The following VMA22 variants were observed in gnomAD, a reference collection of about 807,000 sequenced individuals.
VMA22 encodes the protein vacuolar ATPase assembly protein VMA22.
chr2:130,340,940 C>T, the VMA22 span: 2 of 1,614,112 alleles, frequency 1.2e-6, no homozygotes, highest in East Asian at 4.5e-5. Flanking sequence ...CTGACGTAGA[C>T]TGTGAGGAAC....
At chr2:130,339,339 C>G in the VMA22 span, 5 of 1,329,664 alleles carry the variant, frequency 3.8e-6, no homozygotes, top group Non-Finnish European at 5.1e-6. Flanking sequence ...TCTCTGCCCC[C>G]CACACTTGTC....
At chr2:130,337,987 A>C in the VMA22 span, among the ~76,000 whole-genome samples, 5 of 152,110 alleles carry the variant, frequency 3.3e-5, no homozygotes, top group South Asian at 8.3e-4. Flanking sequence ...CAGAATGAAA[A>C]CCCCCAAATT....
At chr2:130,341,883 T>C in the VMA22 span, 3 of 1,532,276 alleles carry the variant, frequency 2.0e-6, no homozygotes, top group Non-Finnish European at 1.8e-6. Flanking sequence ...GGAAGCATAC[T>C]GCAGGGGCCC....
chr2:130,339,055 G>A, the VMA22 span: 2 of 1,223,990 alleles, frequency 1.6e-6, no homozygotes, highest in Non-Finnish European at 2.4e-6. Context: ...AAGGAAGAAG[G>A]CCTGAGATCA....
chr2:130,340,610 G>A, the VMA22 span: 5 of 407,638 alleles, frequency 1.2e-5, no homozygotes, highest in Non-Finnish European at 1.8e-5. Context: ...TTCACAGCCT[G>A]ACTTATGTTA....
the VMA22 span, chr2:130,341,339 G>A: frequency 1.6e-4 from 87 of 536,304 alleles, no homozygotes; most frequent in Non-Finnish European, 2.4e-4. Flanking sequence ...AGACATAGAC[G>A]TTCCAACTCC....
At chr2:130,341,823 G>T in the VMA22 span, 1 of 244,168 alleles carries the variant, frequency 4.1e-6, no homozygotes, top group Non-Finnish European at 8.2e-6. Flanking sequence ...ACCCAGCCCA[G>T]CATGGAAGCT....
chr2:130,342,246 C>G, the VMA22 span: 1 of 1,543,650 alleles, frequency 6.5e-7, no homozygotes, highest in South Asian at 1.2e-5. Flanking sequence ...ATCCCCACGC[C>G]GGCAGCACCA....
chr2:130,339,309 A>C, the VMA22 span: 1 of 1,432,998 alleles, frequency 7.0e-7, no homozygotes, highest in Non-Finnish European at 9.6e-7. Flanking sequence ...TATCCCCAGA[A>C]ATTGGAAAGG....
chr2:130,341,019 G>A, the VMA22 span: 2 of 1,611,372 alleles, frequency 1.2e-6, no homozygotes, highest in Middle Eastern at 1.7e-4. Flanking sequence ...GTCTTAGTGG[G>A]GCCCTTGCGC....
chr2:130,340,827 C>T, the VMA22 span: 3 of 1,547,568 alleles, frequency 1.9e-6, no homozygotes, highest in South Asian at 1.1e-5. Context: ...AGACTAACCC[C>T]AGCCATGGCA....
At chr2:130,342,241 C>A in the VMA22 span, 1 of 1,546,298 alleles carries the variant, frequency 6.5e-7, no homozygotes, top group Non-Finnish European at 8.7e-7. Flanking sequence ...TGGGGATCCC[C>A]ACGCCGGCAG....
At chr2:130,342,135 T>C in the VMA22 span, 2 of 1,612,838 alleles carry the variant, frequency 1.2e-6, no homozygotes, top group Admixed American at 3.3e-5. Flanking sequence ...TGGACACACC[T>C]CCAGATCTGG....
chr2:130,342,390 T>C, the VMA22 span: 1 of 598,998 alleles, frequency 1.7e-6, no homozygotes, highest in Admixed American at 3.1e-5. Flanking sequence ...TATAGGTGGT[T>C]CTGAGTCCTT....
chr2:130,341,394 C>A, the VMA22 span: 1 of 549,096 alleles, frequency 1.8e-6, no homozygotes, highest in Non-Finnish European at 3.2e-6. Flanking sequence ...GAAGTTTGTC[C>A]CTCTGAAACT....
chr2:130,339,367 C>T, the VMA22 span: 12 of 1,337,520 alleles, frequency 9.0e-6, no homozygotes, highest in African/African-American at 4.4e-5. Context: ...ATTCCAGGTA[C>T]GGCCCTGCAT....
At chr2:130,339,104 C>T in the VMA22 span, 3 of 1,596,434 alleles carry the variant, frequency 1.9e-6, no homozygotes, top group African/African-American at 2.7e-5. Context: ...CGCTGCCCTG[C>T]CTCTTTGCGC....
chr2:130,338,447 C>G, the VMA22 span: 1 of 152,148 alleles, frequency 6.6e-6, no homozygotes, highest in Admixed American at 6.5e-5. Flanking sequence ...CTGCAAAGAT[C>G]AACAACCCAG....
the VMA22 span, chr2:130,341,781 G>A: frequency 1.2e-6 from 2 of 1,602,064 alleles, no homozygotes; most frequent in Non-Finnish European, 1.7e-6. Context: ...TGGAGCTTTG[G>A]CAGCCCGGGC....
Sources: allele counts gnomAD v4.1 joint callset (sites outside exome capture counted in the v4.1 genomes callset), GRCh38; gene constraint gnomAD v4.1.1; transcripts MANE v1.5; gene names NCBI Gene and HGNC (gene_info 2026-07-23, HGNC 2026-07-21).